DYSF: variants seen among roughly 807,000 people sequenced by gnomAD.
DYSF encodes the protein dysferlin.
In DYSF, 212 loss-of-function variants were observed where a neutral mutation model predicts 274.9. The observed-to-expected ratio is 0.77, with a 90% CI of 0.69 to 0.86. The LOEUF (loss-of-function observed/expected upper bound fraction) is 0.86. Among genes scored for constraint, DYSF ranks in the 40% least tolerant of loss-of-function variants. The pLI is 0.00. For synonymous variants in DYSF, 1,091 were observed against 1,078.7 expected (o/e 1.01, Z -0.22); for missense variants, 2,666 against 2,783.2 (o/e 0.96, Z 0.95).
At chr2:71,484,837 G>A (rs1049172275) in intron 3 of DYSF, among the ~76,000 whole-genome samples, 9 of 152,232 alleles carry the variant, frequency 5.9e-5, no homozygotes, top group Non-Finnish European at 8.8e-5. Flanking sequence ...CGGTAAGTGA[G>A]GGCCACACGC....
At chr2:71,603,929 C>T (rs1251526725) in intron 36 of DYSF, among the ~76,000 whole-genome samples, 1 of 152,222 alleles carries the variant, frequency 6.6e-6, no homozygotes, top group Non-Finnish European at 1.5e-5. Context: ...GGGCAGGGAT[C>T]TGGCTGCAGT....
chr2:71,526,411 T>TGGGGGGGGGGGGGGGGGGGGGG, intron 13 of DYSF, 65 bp downstream of exon 13: 14 of 306,870 alleles, frequency 4.6e-5, no homozygotes, highest in East Asian at 4.3e-4. Flanking sequence ...CTGGTGGGGG[T>TGGGGGGGGGGGGGGGGGGGGGG]GGGCGATGGC....
At position 71,549,519 on chromosome 2, in the gene DYSF, T is replaced by G. The variant is rs114007258; in HGVS notation, c.1577-1522T>G. 0.016 allele frequency: 15,070 copies of G among 917,008 alleles called. 180 individuals are homozygous for G. Among genetic ancestry groups the G allele is most frequent in the Non-Finnish European group, 0.019 (10,982 of 577,950 alleles). 56.8% of individuals were successfully genotyped at this position (917,008 alleles called of 1,614,324 possible). A position where few individuals can be genotyped will look rare whatever the true frequency, so the allele number is the denominator to read the frequency against. ...TGGGATTGAGATTCCCCCACAAAGG[T>G]AAGTCCCTGGACTTACCTTTGCTGT... On this transcript the variant is annotated intron_variant, in intron 17 of 55. Transcript: ENST00000410020.
In DYSF at chr2:71,459,495, G is replaced by A. The variant is rs566711402; in HGVS notation, c.88+5409G>A. Among the ~76,000 whole-genome samples the A allele has an allele frequency of 1.1e-4, 17 of 152,232 alleles. No individual in the cohort carries two copies. In the South Asian group the frequency reaches 2.7e-3, roughly 24 times the overall value. ...TATGTGCATACTGGGAGTGAGCTGA[G>A]GGGGGGACACCTGGTCTACAGGTGC... On this transcript the variant is annotated intron_variant, in intron 1 of 54. Transcript: ENST00000258104.
At chr2:71,641,994 A>T (rs57118711) in intron 41 of DYSF, among the ~76,000 whole-genome samples, 1 of 152,168 alleles carries the variant, frequency 6.6e-6, no homozygotes, top group Admixed American at 6.5e-5. Context: ...TTGTCTATTT[A>T]GTTGTCACTG....
intron 17 of DYSF, among the ~76,000 whole-genome samples, chr2:71,543,589 C>A (rs187107014): frequency 1.3e-5 from 2 of 152,190 alleles, no homozygotes; most frequent in Non-Finnish European, 2.9e-5. Flanking sequence ...ACTGAGTGAA[C>A]GAGACTCCAT....
At chr2:71,466,588 T>C, upstream of DYSF, 1 of 1,189,972 alleles carries the variant, frequency 8.4e-7, no homozygotes. Flanking sequence ...GTCTGACCCC[T>C]GTCCCTCCCC....
chr2:71,457,941 A>C (rs756402283), intron 1 of DYSF, among the ~76,000 whole-genome samples: 1 of 152,080 alleles, frequency 6.6e-6, no homozygotes, highest in Non-Finnish European at 1.5e-5. Context: ...GAGAAAGTGA[A>C]AGTTGGGCGG....
intron 23 of DYSF, among the ~76,000 whole-genome samples, chr2:71,563,532 TCA>T (rs2091907290): frequency 6.6e-6 from 1 of 152,194 alleles, no homozygotes; most frequent in Admixed American, 6.5e-5. Context: ...GTCACCATTT[TCA>T]GAGTCCAGTG....
chr2:71,481,795 C>T, intron 2 of DYSF, 84 bp from the exon 3 acceptor site: 12 of 1,089,926 alleles, frequency 1.1e-5, no homozygotes, highest in Non-Finnish European at 1.7e-5. Context: ...CTACTCAGTG[C>T]CCTGGTGGCA....
chr2:71,510,962 C>A (rs897280193), intron 4 of DYSF, among the ~76,000 whole-genome samples: 3 of 152,200 alleles, frequency 2.0e-5, no homozygotes, highest in Admixed American at 2.0e-4. Flanking sequence ...TCTGTGCTTC[C>A]CAAACTTTCT....
chr2:71,552,207 C>T (rs955210923), intron 19 of DYSF, among the ~76,000 whole-genome samples: 1 of 152,162 alleles, frequency 6.6e-6, no homozygotes, highest in South Asian at 2.1e-4. Context: ...CAGGAGGTAG[C>T]TGTGTGGAGT....
chr2:71,489,146 C>T (rs2083600129), intron 3 of DYSF, among the ~76,000 whole-genome samples: 1 of 152,164 alleles, frequency 6.6e-6, no homozygotes, highest in African/African-American at 2.4e-5. Flanking sequence ...AGGGACCTGC[C>T]ACAACGGGGG....
chr2:71,633,732 C>T (rs2094351579), intron 41 of DYSF, among the ~76,000 whole-genome samples: 1 of 152,084 alleles, frequency 6.6e-6, no homozygotes, highest in Non-Finnish European at 1.5e-5. Context: ...TATAGTTCTG[C>T]ATAGTGACCC....
At chr2:71,465,251 T>TGTCCA (rs1018866425), upstream of DYSF, among the ~76,000 whole-genome samples, 1 of 152,108 alleles carries the variant, frequency 6.6e-6, no homozygotes, top group African/African-American at 2.4e-5. Flanking sequence ...TATGCCCAAG[T>TGTCCA]GTCCAGTTGT....
intron 14 of DYSF, among the ~76,000 whole-genome samples, chr2:71,534,361 G>A (rs1559098233): frequency 6.6e-6 from 1 of 152,104 alleles, no homozygotes; most frequent in East Asian, 1.9e-4. Context: ...CTGGCTAAGG[G>A]GCCTGGTGTT....
upstream of DYSF, among the ~76,000 whole-genome samples, chr2:71,465,237 G>A (rs2081455283): frequency 1.3e-5 from 2 of 152,110 alleles, no homozygotes; most frequent in Non-Finnish European, 2.9e-5. Context: ...GAGGGGATGG[G>A]GTCTATGCCC....
intron 42 of DYSF, among the ~76,000 whole-genome samples, chr2:71,644,989 C>T (rs980371653): frequency 2.6e-5 from 4 of 152,168 alleles, no homozygotes; most frequent in Admixed American, 1.3e-4. Context: ...CCCTGCTGCT[C>T]ACACCTCTAG....
Position 71,535,251 on chromosome 2 carries a change from C to T in DYSF, c.1450-17C>T. ...CAAAAGGACTCTTCTCCCAACACGCCTCTATTCCTTCCTCAGTTTCCCTCC... is the reference window on the plus strand; with the variant it reads ...CAAAAGGACTCTTCTCCCAACACGCTTCTATTCCTTCCTCAGTTTCCCTCC... On this transcript the variant is annotated splice_polypyrimidine_tract_variant and intron_variant, in intron 15 of 55. Coordinates refer to ENST00000410020, the MANE Select transcript of DYSF (RefSeq NM_001130987.2). The T allele has an allele frequency of 6.2e-7, 1 of 1,613,802 alleles. No homozygotes were observed. Among genetic ancestry groups the T allele is most frequent in the Non-Finnish European group, 8.5e-7 (1 of 1,179,646 alleles).
Sources: gnomAD v4.1 joint callset for allele counts (sites outside exome capture counted in the v4.1 genomes callset) on GRCh38, gnomAD v4.1.1 for gene constraint, MANE v1.5 for transcripts, NCBI Gene and HGNC (gene_info 2026-07-23, HGNC 2026-07-21) for gene names.